The following TBC1D22A variants were observed in gnomAD, a reference collection of about 807,000 sequenced individuals.
TBC1D22A encodes TBC1 domain family member 22A, also known as putative GTPase activator.
TBC1D22A carries 38 observed loss-of-function variants against 60.2 expected under a neutral mutation model. That is an observed-to-expected ratio of 0.63 (90% CI 0.49 to 0.83). The LOEUF (loss-of-function observed/expected upper bound fraction) is 0.83, where lower values mean the gene tolerates loss of function less well. Ranked by LOEUF, TBC1D22A falls within the 40% of genes least tolerant of loss-of-function variation. The pLI, the probability that TBC1D22A is intolerant of heterozygous loss-of-function variation, is 0.00. For synonymous variants in TBC1D22A, 302 were observed against 281.7 expected, an observed-to-expected ratio of 1.07 and a Z score of -0.72; for missense variants, 628 against 701.0, an observed-to-expected ratio of 0.90 and a Z score of 1.18.
intron 12 of TBC1D22A, among the ~76,000 whole-genome samples, chr22:47,146,936 G>T (rs377185996): frequency 1.1e-3 from 170 of 152,326 alleles, no homozygotes; most frequent in African/African-American, 3.9e-3. Flanking sequence ...TAATTCACCC[G>T]TTCATTTGAA....
chr22:46,915,791 A>G (rs1444378626), intron 8 of TBC1D22A: 7 of 456,540 alleles, frequency 1.5e-5, no homozygotes, highest in African/African-American at 8.0e-5. Flanking sequence ...CTGGCCTGCC[A>G]TATGCTCCCA....
At chr22:47,027,218 T>C (rs1033896540) in intron 10 of TBC1D22A, among the ~76,000 whole-genome samples, 45 of 152,248 alleles carry the variant, frequency 3.0e-4, no homozygotes, top group African/African-American at 9.4e-4. Context: ...GAAGTTCCAA[T>C]TGAAAATTCA....
chr22:47,097,334 G>A (rs73475479), intron 11 of TBC1D22A, among the ~76,000 whole-genome samples: 2,027 of 152,306 alleles, frequency 0.013, 55 homozygotes, highest in African/African-American at 0.046. Context: ...CATTGAATTG[G>A]GTTGGGCACG....
At chr22:47,086,757 C>G (rs1423283771) in intron 11 of TBC1D22A, among the ~76,000 whole-genome samples, 2 of 152,138 alleles carry the variant, frequency 1.3e-5, no homozygotes, top group Non-Finnish European at 2.9e-5. Context: ...AGTGCGGCAG[C>G]AGGGCGGACA....
chr22:47,097,470 C>G (rs149298991), intron 11 of TBC1D22A, among the ~76,000 whole-genome samples: 3 of 151,874 alleles, frequency 2.0e-5, no homozygotes, highest in African/African-American at 7.3e-5. Flanking sequence ...AAAAATTAGC[C>G]GGGCGTGGTG....
chr22:47,013,657 G>T (rs969497567), intron 10 of TBC1D22A, among the ~76,000 whole-genome samples: 3 of 152,172 alleles, frequency 2.0e-5, no homozygotes, highest in African/African-American at 7.2e-5. Context: ...GGCTTGCTGG[G>T]GATGAGGACA....
rs151254923 is a variant in TBC1D22A, at chr22:47,135,270, T to C, written c.1425+23667T>C. On this transcript the variant is annotated intron_variant, in intron 12 of 12. Transcript: ENST00000337137. ...CCCAGTTAATCCCACGGTCCTTCGA[T>C]GAGGGTCTGCGGTGGGTCCATTTCC... Among the ~76,000 whole-genome samples the C allele has an allele frequency of 2.6e-3, 391 of 152,328 alleles. 2 individuals are homozygous for C. Among genetic ancestry groups the C allele is most frequent in the African/African-American group, 9.1e-3 (377 of 41,564 alleles).
intron 4 of TBC1D22A, among the ~76,000 whole-genome samples, chr22:46,807,919 A>G (rs2147007076): frequency 6.6e-6 from 1 of 152,304 alleles, no homozygotes; most frequent in South Asian, 2.1e-4. Context: ...GTGAGCTATG[A>G]TCATGCCACT....
chr22:46,948,486 C>G (rs2079741710), intron 8 of TBC1D22A, among the ~76,000 whole-genome samples: 1 of 152,206 alleles, frequency 6.6e-6, no homozygotes, highest in South Asian at 2.1e-4. Flanking sequence ...CCACCAAAAC[C>G]TTGGTTGCAG....
chr22:47,011,118 C>A (rs1402687808), intron 10 of TBC1D22A, among the ~76,000 whole-genome samples: 1 of 152,208 alleles, frequency 6.6e-6, no homozygotes, highest in Non-Finnish European at 1.5e-5. Flanking sequence ...ATCTCAGCTT[C>A]CCCGCAGGCT....
intron 5 of TBC1D22A, among the ~76,000 whole-genome samples, chr22:46,885,850 C>T (rs1602312841): frequency 6.6e-6 from 1 of 152,078 alleles, no homozygotes. Context: ...CACCGCAGAA[C>T]CACGCCTGGC....
intron 12 of TBC1D22A, among the ~76,000 whole-genome samples, chr22:47,159,403 T>A (rs1601714923): frequency 7.3e-6 from 1 of 137,038 alleles, no homozygotes; most frequent in African/African-American, 2.8e-5. Flanking sequence ...CACCACACTC[T>A]CACCATGTAT....
At chr22:47,014,309 G>A (rs868857452) in intron 10 of TBC1D22A, among the ~76,000 whole-genome samples, 2 of 152,150 alleles carry the variant, frequency 1.3e-5, no homozygotes, top group African/African-American at 2.4e-5. Flanking sequence ...CTCTTCTGTG[G>A]TTTTTGTGAG....
chr22:46,834,048 A>T (rs565458662), intron 4 of TBC1D22A, among the ~76,000 whole-genome samples: 1 of 151,866 alleles, frequency 6.6e-6, no homozygotes, highest in Non-Finnish European at 1.5e-5. Flanking sequence ...GCATTTTCTT[A>T]TTTAAATTGT....
chr22:47,015,228 T>A (rs12160495), intron 10 of TBC1D22A, among the ~76,000 whole-genome samples: 2,173 of 152,250 alleles, frequency 0.014, 57 homozygotes, highest in African/African-American at 0.05. Context: ...GCTTGGTGAT[T>A]TTGAGAGCCA....
intron 10 of TBC1D22A, among the ~76,000 whole-genome samples, chr22:47,008,906 A>T (rs2061666350): frequency 6.6e-6 from 1 of 152,210 alleles, no homozygotes; most frequent in South Asian, 2.1e-4. Context: ...GTGACAGCGA[A>T]AATGCCAGGC....
chr22:46,863,598 G>A (rs1262650065), intron 4 of TBC1D22A, among the ~76,000 whole-genome samples: 1 of 152,118 alleles, frequency 6.6e-6, no homozygotes, highest in East Asian at 1.9e-4. Flanking sequence ...CACTTTCTTG[G>A]TCATCGTGCT....
intron 9 of TBC1D22A, among the ~76,000 whole-genome samples, chr22:46,978,100 G>T (rs1276983832): frequency 1.3e-5 from 2 of 152,238 alleles, no homozygotes; most frequent in African/African-American, 2.4e-5. Context: ...ATGGCTAGGA[G>T]TGCAGGCTCT....
intron 4 of TBC1D22A, among the ~76,000 whole-genome samples, chr22:46,874,833 C>A (rs2067474792): frequency 6.6e-6 from 1 of 152,130 alleles, no homozygotes; most frequent in South Asian, 2.1e-4. Context: ...CTTGGCCTCC[C>A]AAAGTGCTAG....
Sources: allele counts gnomAD v4.1 joint callset (sites outside exome capture counted in the v4.1 genomes callset), GRCh38; gene constraint gnomAD v4.1.1; transcripts MANE v1.5; gene names NCBI Gene and HGNC (gene_info 2026-07-23, HGNC 2026-07-21).